The following MARCHF11 variants were observed in gnomAD, a reference collection of about 807,000 sequenced individuals.
MARCHF11 encodes the protein membrane associated ring-CH-type finger 11, also known as E3 ubiquitin-protein ligase MARCHF11.
Under a neutral mutation model 37.3 loss-of-function variants are expected in MARCHF11, and 29 were observed. That is an observed-to-expected ratio of 0.78 (90% CI 0.58 to 1.06). MARCHF11 has a LOEUF of 1.06. MARCHF11 is among the 50% of genes least tolerant of loss of function. MARCHF11 has a pLI of 0.00. For missense variants in MARCHF11, 482 were observed against 533.4 expected (o/e 0.90, Z 0.95); for synonymous variants, 233 against 228.0 (o/e 1.02, Z -0.20).
At chr5:16,093,663 G>A (rs1022144469) in intron 2 of MARCHF11, among the ~76,000 whole-genome samples, 7 of 152,162 alleles carry the variant, frequency 4.6e-5, no homozygotes, top group African/African-American at 7.2e-5. Flanking sequence ...AAACAGGGAC[G>A]CTTCACGCTT....
intron 2 of MARCHF11, among the ~76,000 whole-genome samples, chr5:16,137,307 T>C (rs1737625791): frequency 6.6e-6 from 1 of 152,150 alleles, no homozygotes; most frequent in African/African-American, 2.4e-5. Context: ...GCTGTTCCCA[T>C]GGTAGTGAAT....
intron 2 of MARCHF11, among the ~76,000 whole-genome samples, chr5:16,130,350 T>G (rs1038989560): frequency 3.9e-5 from 6 of 152,040 alleles, no homozygotes; most frequent in Non-Finnish European, 8.8e-5. Flanking sequence ...TATGAGCACT[T>G]CGATAAGATT....
At chr5:16,086,239 T>A (rs761856648) in intron 3 of MARCHF11, among the ~76,000 whole-genome samples, 5 of 152,160 alleles carry the variant, frequency 3.3e-5, no homozygotes, top group Non-Finnish European at 7.3e-5. Context: ...AATGCGGAAG[T>A]ATCCATTTAC....
At chr5:16,124,509 C>T (rs1381532086) in intron 2 of MARCHF11, among the ~76,000 whole-genome samples, 1 of 152,094 alleles carries the variant, frequency 6.6e-6, no homozygotes, top group Non-Finnish European at 1.5e-5. Flanking sequence ...GGAATCCAGG[C>T]AAAATTGGCC....
At chr5:16,117,508 T>G (rs573120787) in intron 2 of MARCHF11, among the ~76,000 whole-genome samples, 2 of 152,298 alleles carry the variant, frequency 1.3e-5, no homozygotes, top group African/African-American at 2.4e-5. Context: ...AGGTAATGAT[T>G]TGCAAAGCAA....
At chr5:16,157,563 A>C in intron 2 of MARCHF11, among the ~76,000 whole-genome samples, 1 of 151,956 alleles carries the variant, frequency 6.6e-6, no homozygotes, top group East Asian at 1.9e-4. Flanking sequence ...TTTTTGACAA[A>C]GGTTCAAGAA....
At chr5:16,135,385 T>C (rs1737590978) in intron 2 of MARCHF11, among the ~76,000 whole-genome samples, 1 of 151,994 alleles carries the variant, frequency 6.6e-6, no homozygotes, top group Non-Finnish European at 1.5e-5. Flanking sequence ...ATTAAGTACA[T>C]TATTGAAACC....
intron 2 of MARCHF11, among the ~76,000 whole-genome samples, chr5:16,161,140 C>T (rs1443643261): frequency 6.6e-6 from 1 of 151,156 alleles, no homozygotes; most frequent in Non-Finnish European, 1.5e-5. Flanking sequence ...CACCCATTAA[C>T]GCTTCATTTA....
intron 2 of MARCHF11, among the ~76,000 whole-genome samples, chr5:16,135,205 G>A (rs1737588088): frequency 6.6e-6 from 1 of 152,146 alleles, no homozygotes; most frequent in East Asian, 1.9e-4. Context: ...AAGTGCTGAG[G>A]TGAACAGAAA....
At chr5:16,127,483 G>A (rs1342764708) in intron 2 of MARCHF11, among the ~76,000 whole-genome samples, 1 of 152,182 alleles carries the variant, frequency 6.6e-6, no homozygotes, top group Admixed American at 6.5e-5. Context: ...TTAAGCCAGT[G>A]AGACTTTGAG....
intron 3 of MARCHF11, 84 bp from the exon 4 acceptor site, chr5:16,067,877 C>T: frequency 8.4e-7 from 1 of 1,184,618 alleles, no homozygotes; most frequent in Non-Finnish European, 1.2e-6. Flanking sequence ...GTAAGGGATC[C>T]AAAAATAGTT....
At chr5:16,117,144 G>T (rs1737237970) in intron 2 of MARCHF11, among the ~76,000 whole-genome samples, 1 of 152,150 alleles carries the variant, frequency 6.6e-6, no homozygotes, top group African/African-American at 2.4e-5. Flanking sequence ...AGATGAGTTT[G>T]GCAGTAGCTC....
In MARCHF11 at chr5:16,142,186, G is replaced by A. The variant is rs563573337; in HGVS notation, c.693+35540C>T. On this transcript the variant is annotated intron_variant, in intron 2 of 3. Transcript: ENST00000332432. ...AAATCAAAATAGTCATCAACAAGTG[G>A]TTAAAATCGGGGGAAGGTTGCACTT... Among the ~76,000 whole-genome samples, 17 of 152,300 alleles carry A rather than the reference G, an allele frequency of 1.1e-4. No homozygotes were observed. In the East Asian group the frequency reaches 3.1e-3, roughly 28 times the overall value.
chr5:16,125,138 A>G (rs141160679), intron 2 of MARCHF11, among the ~76,000 whole-genome samples: 1 of 151,526 alleles, frequency 6.6e-6, no homozygotes, highest in Non-Finnish European at 1.5e-5. Flanking sequence ...TAAGCCATAC[A>G]TCGTAATTTG....
chr5:16,112,037 G>A (rs2126570854), intron 2 of MARCHF11, among the ~76,000 whole-genome samples: 1 of 152,354 alleles, frequency 6.6e-6, no homozygotes, highest in Admixed American at 6.5e-5. Flanking sequence ...TTCAGAAGAT[G>A]TATGGAAATG....
intron 3 of MARCHF11, among the ~76,000 whole-genome samples, chr5:16,068,131 T>C (rs1368263212): frequency 1.3e-5 from 2 of 152,210 alleles, no homozygotes. Context: ...ACACATATTC[T>C]TGAGTGCTCA....
chr5:16,154,431 A>G (rs1356534510), intron 2 of MARCHF11, among the ~76,000 whole-genome samples: 3 of 152,090 alleles, frequency 2.0e-5, no homozygotes, highest in South Asian at 4.1e-4. Context: ...CATGCCAAGT[A>G]TATTTTCTAT....
At chr5:16,137,514 G>A (rs1481297283) in intron 2 of MARCHF11, among the ~76,000 whole-genome samples, 3 of 152,122 alleles carry the variant, frequency 2.0e-5, no homozygotes, top group Non-Finnish European at 2.9e-5. Flanking sequence ...CTTCATAGCA[G>A]TATTAAAATT....
chr5:16,121,773 C>T (rs1455786255), intron 2 of MARCHF11, among the ~76,000 whole-genome samples: 2 of 152,156 alleles, frequency 1.3e-5, no homozygotes, highest in Admixed American at 1.3e-4. Flanking sequence ...TGTGTTTATG[C>T]TCAGTAAAAT....
Sources: gnomAD v4.1 joint callset for allele counts (sites outside exome capture counted in the v4.1 genomes callset) on GRCh38, gnomAD v4.1.1 for gene constraint, MANE v1.5 for transcripts, NCBI Gene and HGNC (gene_info 2026-07-23, HGNC 2026-07-21) for gene names.